Variants in PARN observed in about 807,000 individuals in gnomAD.
PARN encodes the protein poly(A)-specific ribonuclease PARN.
In PARN, 71 loss-of-function variants were observed where a neutral mutation model predicts 102.8. The observed-to-expected ratio is 0.69, with a 90% CI of 0.57 to 0.84. The LOEUF (loss-of-function observed/expected upper bound fraction) is 0.84. PARN is among the 40% of genes least tolerant of loss of function. The probability of loss-of-function intolerance (pLI) is 0.00; values close to 1 mark genes in which losing one functional copy is unlikely to be tolerated. For missense variants in PARN, 782 were observed against 760.9 expected, an observed-to-expected ratio of 1.03 and a Z score of -0.33; for synonymous variants, 261 against 252.9, an observed-to-expected ratio of 1.03 and a Z score of -0.30.
At chr16:14,519,780 T>C (rs764575373) in intron 21 of PARN, among the ~76,000 whole-genome samples, 6 of 152,156 alleles carry the variant, frequency 3.9e-5, no homozygotes, top group Non-Finnish European at 7.4e-5. Context: ...AAATTCTGCT[T>C]TTCCTATACC....
chr16:14,540,905 C>T (rs577979915), intron 21 of PARN, among the ~76,000 whole-genome samples: 3 of 152,178 alleles, frequency 2.0e-5, no homozygotes, highest in East Asian at 1.9e-4. Context: ...GAGCTGTGAA[C>T]GCGCCACTGC....
At chr16:14,488,395 T>A (rs1269915708) in intron 21 of PARN, among the ~76,000 whole-genome samples, 1 of 152,190 alleles carries the variant, frequency 6.6e-6, no homozygotes, top group East Asian at 1.9e-4. Context: ...TTTGGCTACA[T>A]TAATATTAAA....
intron 21 of PARN, among the ~76,000 whole-genome samples, chr16:14,493,557 C>T (rs1964162286): frequency 6.6e-6 from 1 of 152,160 alleles, no homozygotes; most frequent in African/African-American, 2.4e-5. Context: ...TGGGATGCAG[C>T]AGTGGGAAGC....
intron 22 of PARN, among the ~76,000 whole-genome samples, chr16:14,459,844 T>C (rs1039665685): frequency 6.6e-6 from 1 of 152,196 alleles, no homozygotes; most frequent in Non-Finnish European, 1.5e-5. Flanking sequence ...AATAGACCCA[T>C]ACGTATATGA....
chr16:14,448,439 G>A (rs992894685), intron 22 of PARN, among the ~76,000 whole-genome samples: 1 of 151,976 alleles, frequency 6.6e-6, no homozygotes, highest in Admixed American at 6.6e-5. Context: ...GAGTTACCAC[G>A]CCCGGCCTCT....
rs879154319 is a variant in PARN, at chr16:14,584,933, AAC to A, written c.963-144_963-143del. On this transcript the variant is annotated intron_variant, in intron 14 of 23. Transcript: ENST00000437198. The stretch of plus-strand genomic sequence containing the variant: ...AAATGTTTAATACAGAAAATACTTA[AAC>A]ACAGACAAAGTAATTAAACACATTG... 7.9e-5 allele frequency: 45 copies of A among 566,280 alleles called. 1 individual carries two copies. The South Asian group carries it at 8.9e-4, about 11-fold the overall frequency. The allele number at this position is 566,280 out of a possible 1,614,324, so 35.1% of individuals were successfully genotyped here. A position where few individuals can be genotyped will look rare whatever the true frequency, so the allele number is the denominator to read the frequency against.
intron 21 of PARN, among the ~76,000 whole-genome samples, chr16:14,513,534 T>C (rs928108380): frequency 5.3e-5 from 8 of 152,178 alleles, no homozygotes; most frequent in Non-Finnish European, 1.0e-4. Context: ...TTTTAGATAG[T>C]TCACTAAGAG....
intron 8 of PARN, among the ~76,000 whole-genome samples, chr16:14,608,819 G>T (rs543001475): frequency 8.9e-4 from 135 of 152,318 alleles, no homozygotes; most frequent in Admixed American, 3.8e-3. Context: ...ATAACTGAAA[G>T]TCAAGGTTGC....
intron 21 of PARN, among the ~76,000 whole-genome samples, chr16:14,551,088 C>T (rs910931756): frequency 4.6e-5 from 7 of 151,210 alleles, no homozygotes; most frequent in South Asian, 2.1e-4. Context: ...TCAGCCATCA[C>T]GCCCAGCTAA....
At chr16:14,625,219 C>T (rs138158669) in intron 5 of PARN, among the ~76,000 whole-genome samples, 1 of 151,672 alleles carries the variant, frequency 6.6e-6, no homozygotes, top group East Asian at 1.9e-4. Context: ...CAAAACAAAA[C>T]AAAACTGTAA....
At chr16:14,562,412 G>T (rs370381627) in intron 18 of PARN, among the ~76,000 whole-genome samples, 2 of 146,034 alleles carry the variant, frequency 1.4e-5, no homozygotes, top group African/African-American at 5.1e-5. Flanking sequence ...GAGCCTGGGG[G>T]TCAGAGCGGG....
At position 14,495,018 on chromosome 16, in the gene PARN, G is replaced by T. The variant is rs184775882; in HGVS notation, c.1481-12191C>A. On this transcript the variant is annotated intron_variant, in intron 21 of 23. Coordinates refer to ENST00000437198, the MANE Select transcript of PARN (RefSeq NM_002582.4). ...TGAAGGTGGTGTGAGCCCTGAGAAAGAATGGAATTGCTGAGGAGAAGGTGC... is the reference window on the plus strand; with the variant it reads ...TGAAGGTGGTGTGAGCCCTGAGAAATAATGGAATTGCTGAGGAGAAGGTGC... Among the ~76,000 whole-genome samples, 22 of 152,272 alleles carry T rather than the reference G, an allele frequency of 1.4e-4. No homozygotes were observed. In the South Asian group the frequency reaches 2.3e-3, roughly 16 times the overall value.
At chr16:14,614,676 C>T (rs2151803278) in intron 6 of PARN, among the ~76,000 whole-genome samples, 1 of 151,924 alleles carries the variant, frequency 6.6e-6, no homozygotes, top group Non-Finnish European at 1.5e-5. Context: ...CATGGAGAAA[C>T]TGTCTCTACT....
rs1056354884 is a variant in PARN at position 14,610,103 on chromosome 16, C to A, written c.554+541G>T. Among the ~76,000 whole-genome samples the A allele has an allele frequency of 9.2e-5, 14 of 152,170 alleles. 1 individual carries two copies. Among genetic ancestry groups the A allele is most frequent in the Non-Finnish European group, 1.0e-4 (7 of 68,032 alleles). ...CGCAGGTCTGACCACGTACTGAAAT[C>A]TCTTGCCTAGTGACATGTAGCAAGT... is the stretch of plus-strand genomic sequence containing the variant. On this transcript the variant is annotated intron_variant, in intron 7 of 23. Coordinates refer to ENST00000437198, the MANE Select transcript of PARN (RefSeq NM_002582.4).
At chr16:14,530,581 A>G (rs547219569) in intron 21 of PARN, among the ~76,000 whole-genome samples, 2 of 152,070 alleles carry the variant, frequency 1.3e-5, no homozygotes, top group African/African-American at 4.8e-5. Flanking sequence ...ACACACTGAC[A>G]TTTTCTAACT....
chr16:14,582,171 T>G lies in PARN; in HGVS notation c.1192+10A>C, dbSNP rs1431920646. The G allele has an allele frequency of 6.5e-7, 1 of 1,526,850 alleles. No individual in the cohort carries two copies. Among genetic ancestry groups the G allele is most frequent in the Non-Finnish European group, 9.1e-7 (1 of 1,100,304 alleles). 94.6% of individuals were successfully genotyped at this position (1,526,850 alleles called of 1,614,324 possible). Reference sequence around the variant, plus strand: ...ACTGCGTGTTTGACTGAAAGACATGTAATGCGTACCTAGGTAATTGGCCAT... The same window carrying G: ...ACTGCGTGTTTGACTGAAAGACATGGAATGCGTACCTAGGTAATTGGCCAT... On this transcript the variant is annotated intron_variant, in intron 17 of 23. Transcript: ENST00000437198.
intron 21 of PARN, among the ~76,000 whole-genome samples, chr16:14,496,239 C>G (rs956193617): frequency 2.6e-5 from 4 of 152,182 alleles, no homozygotes; most frequent in Non-Finnish European, 5.9e-5. Context: ...CAACTTTAAC[C>G]TGCCCCTCAA....
intron 21 of PARN, among the ~76,000 whole-genome samples, chr16:14,485,049 C>T (rs925304326): frequency 4.6e-5 from 7 of 152,094 alleles, no homozygotes; most frequent in African/African-American, 7.2e-5. Flanking sequence ...GTGAGACCCC[C>T]GTCTCTAAAA....
At chr16:14,547,062 C>T (rs1433511377) in intron 21 of PARN, among the ~76,000 whole-genome samples, 1 of 149,004 alleles carries the variant, frequency 6.7e-6, no homozygotes. Context: ...AACGGCACTT[C>T]AGCCTGGGCA....
Sources: allele counts gnomAD v4.1 joint callset (sites outside exome capture counted in the v4.1 genomes callset), GRCh38; gene constraint gnomAD v4.1.1; transcripts MANE v1.5; gene names NCBI Gene and HGNC (gene_info 2026-07-23, HGNC 2026-07-21).